Variants in CTNNA2 observed in about 807,000 individuals in gnomAD.
CTNNA2 encodes the protein catenin alpha-2.
Under a neutral mutation model 101.0 loss-of-function variants are expected in CTNNA2, and 42 were observed. The ratio of observed to expected loss-of-function variants is 0.42; its 90% CI spans 0.32 to 0.54. The LOEUF (loss-of-function observed/expected upper bound fraction) is 0.54. CTNNA2 is among the 20% of genes least tolerant of loss of function. The pLI is 0.14. For missense variants in CTNNA2, 871 were observed against 1,223.1 expected (o/e 0.71, Z 4.29); for synonymous variants, 450 against 456.4 (o/e 0.99, Z 0.18).
At chr2:79,474,815 T>C (rs893245424) in intron 4 of CTNNA2, among the ~76,000 whole-genome samples, 1 of 152,178 alleles carries the variant, frequency 6.6e-6, no homozygotes, top group African/African-American at 2.4e-5. Context: ...ATATTCATTT[T>C]CCCACTGGTC....
At chr2:80,633,369 T>A (rs1422033420) in intron 18 of CTNNA2, among the ~76,000 whole-genome samples, 1 of 152,182 alleles carries the variant, frequency 6.6e-6, no homozygotes, top group Non-Finnish European at 1.5e-5. Flanking sequence ...TGGAAGATGA[T>A]GTTCCCTGCA....
chr2:79,491,937 G>A (rs201323489), intron 4 of CTNNA2, among the ~76,000 whole-genome samples: 4 of 152,062 alleles, frequency 2.6e-5, no homozygotes, highest in Non-Finnish European at 4.4e-5. Context: ...TGTAGATTTC[G>A]GATGTCTAGA....
At chr2:79,682,410 C>CAAAAAAAAAAAAAAA (rs10674928) in intron 2 of CTNNA2, among the ~76,000 whole-genome samples, 1 of 73,334 alleles carries the variant, frequency 1.4e-5, no homozygotes, top group Non-Finnish European at 2.5e-5. Context: ...AACTCCATCT[C>CAAAAAAAAAAAAAAA]AAAAAAAAAA....
chr2:79,258,542 A>AG (rs1674877018), intron 2 of CTNNA2, among the ~76,000 whole-genome samples: 2 of 152,168 alleles, frequency 1.3e-5, no homozygotes, highest in Non-Finnish European at 2.9e-5. Flanking sequence ...TAAGACTGGA[A>AG]ATCTCAATGA....
chr2:80,224,083 A>AAACAT (rs1708730923), intron 7 of CTNNA2, among the ~76,000 whole-genome samples: 1 of 152,124 alleles, frequency 6.6e-6, no homozygotes, highest in African/African-American at 2.4e-5. Flanking sequence ...GACTTGTTCT[A>AAACAT]GCCCTCTTGA....
At position 80,308,156 on chromosome 2, in the gene CTNNA2, AT is replaced by A. The variant is rs140398282; in HGVS notation, c.1057-85045del. On this transcript the variant is annotated intron_variant, in intron 7 of 18. Transcript: ENST00000402739. ...AAGTGGAGTGGGGGAGTAACATACAATTTTTTTTTTGGTATGTCATTACTTC... is the reference window on the plus strand; with the variant it reads ...AAGTGGAGTGGGGGAGTAACATACAATTTTTTTTTGGTATGTCATTACTTC... Among the ~76,000 whole-genome samples, 902 of 149,784 alleles carry A rather than the reference AT, an allele frequency of 6.0e-3. 12 individuals carry two copies. The highest frequency in any genetic ancestry group is 0.021 in the African/African-American group (845 of 40,858).
chr2:79,260,257 C>G (rs1426282439), intron 2 of CTNNA2, among the ~76,000 whole-genome samples: 1 of 152,112 alleles, frequency 6.6e-6, no homozygotes, highest in Non-Finnish European at 1.5e-5. Flanking sequence ...CCCACGGTCT[C>G]TCTCCCACTC....
intron 4 of CTNNA2, among the ~76,000 whole-genome samples, chr2:79,465,664 G>A (rs1438657991): frequency 6.6e-6 from 1 of 152,162 alleles, no homozygotes; most frequent in African/African-American, 2.4e-5. Flanking sequence ...TCATTGAGCA[G>A]TGGTTTGTAG....
chr2:79,479,844 A>C (rs887373609), intron 4 of CTNNA2, among the ~76,000 whole-genome samples: 2 of 151,812 alleles, frequency 1.3e-5, no homozygotes, highest in African/African-American at 4.8e-5. Flanking sequence ...AATCGCTTGA[A>C]CCCAGGAGAT....
chr2:79,784,492 C>T (rs2105217920), intron 3 of CTNNA2, among the ~76,000 whole-genome samples: 1 of 150,562 alleles, frequency 6.6e-6, no homozygotes, highest in East Asian at 1.9e-4. Context: ...CTAGATAGCT[C>T]TGTTGGGATG....
chr2:79,222,461 G>A (rs1030109157), intron 2 of CTNNA2, among the ~76,000 whole-genome samples: 1 of 152,172 alleles, frequency 6.6e-6, no homozygotes, highest in Admixed American at 6.5e-5. Flanking sequence ...GTGGTGCCAC[G>A]TGGCAGTGAG....
chr2:79,480,773 T>A (rs1671101221), intron 4 of CTNNA2, among the ~76,000 whole-genome samples: 1 of 152,194 alleles, frequency 6.6e-6, no homozygotes, highest in African/African-American at 2.4e-5. Context: ...TATAATCTCT[T>A]TGAATGCAGC....
intron 2 of CTNNA2, among the ~76,000 whole-genome samples, chr2:79,200,032 AG>A (rs1325991180): frequency 1.5e-4 from 10 of 67,354 alleles, no homozygotes; most frequent in African/African-American, 1.5e-3. Context: ...AGAATGAGAC[AG>A]AGAGAGAGAG....
chr2:80,253,976 G>A (rs188144450), intron 7 of CTNNA2, among the ~76,000 whole-genome samples: 1 of 152,110 alleles, frequency 6.6e-6, no homozygotes. Context: ...AGATCATAGA[G>A]AGTGCTGAAG....
chr2:80,118,433 A>G (rs912342105), intron 7 of CTNNA2, among the ~76,000 whole-genome samples: 18 of 152,194 alleles, frequency 1.2e-4, no homozygotes, highest in Non-Finnish European at 2.5e-4. Flanking sequence ...AACTTTATGA[A>G]TCAGCCTTGT....
chr2:79,290,223 C>T (rs1335899623), intron 2 of CTNNA2, among the ~76,000 whole-genome samples: 1 of 152,132 alleles, frequency 6.6e-6, no homozygotes, highest in African/African-American at 2.4e-5. Flanking sequence ...TCAACTAGTA[C>T]CATTTATCAC....
chr2:80,626,380 A>G (rs1016989740), intron 18 of CTNNA2, among the ~76,000 whole-genome samples: 83 of 152,032 alleles, frequency 5.5e-4, no homozygotes, highest in Non-Finnish European at 8.8e-5. Context: ...ATTTTCATGT[A>G]GGAAGAAGAG....
At chr2:79,770,671 A>G (rs183285537) in intron 3 of CTNNA2, among the ~76,000 whole-genome samples, 1 of 152,308 alleles carries the variant, frequency 6.6e-6, no homozygotes, top group Admixed American at 6.5e-5. Context: ...GAAATGAAAC[A>G]TTACTCATTC....
chr2:79,708,537 T>A (rs533343803), intron 2 of CTNNA2, among the ~76,000 whole-genome samples: 113 of 152,294 alleles, frequency 7.4e-4, no homozygotes, highest in Non-Finnish European at 1.3e-3. Context: ...TTCAAAATGG[T>A]TCAAAAATTT....
Sources: allele counts gnomAD v4.1 joint callset (sites outside exome capture counted in the v4.1 genomes callset), GRCh38; gene constraint gnomAD v4.1.1; transcripts MANE v1.5; gene names NCBI Gene and HGNC (gene_info 2026-07-23, HGNC 2026-07-21).